TOPBP1: variants seen among roughly 807,000 people sequenced by gnomAD.
The protein encoded by TOPBP1 is DNA topoisomerase II binding protein 1.
A neutral mutation model predicts 167.7 loss-of-function variants in TOPBP1; 28 were observed. That is an observed-to-expected ratio of 0.17 (90% CI 0.12 to 0.23). The LOEUF is 0.23. Among genes scored for constraint, TOPBP1 ranks in the 10% least tolerant of loss-of-function variants. The pLI is 1.00. For missense variants in TOPBP1, 1,554 were observed against 1,809.6 expected (o/e 0.86, Z 2.56); for synonymous variants, 598 against 611.4 (o/e 0.98, Z 0.32).
intron 8 of TOPBP1, among the ~76,000 whole-genome samples, chr3:133,650,994 G>A (rs1413361075): frequency 6.6e-6 from 1 of 151,734 alleles, no homozygotes; most frequent in African/African-American, 2.4e-5. Context: ...CTACTTAGGA[G>A]GCTGAGGCAG....
rs775662417 is a variant in TOPBP1, at chr3:133,612,383, A to G, written c.4035+6T>C. The G allele has an allele frequency of 2.5e-6, 4 of 1,613,464 alleles. No individual in the cohort carries two copies. The highest frequency in any genetic ancestry group is 1.7e-4 in the Middle Eastern group (1 of 6,050). On this transcript the variant is annotated splice_donor_region_variant and intron_variant, in intron 24 of 27. Transcript: ENST00000260810. ...AAAATAAACTTCCACAAATCTGAAT[A>G]CACACCTGCACGAAGTGTCCAGCAG...
chr3:133,654,311 T>C (rs577417034), intron 6 of TOPBP1, among the ~76,000 whole-genome samples: 2 of 152,352 alleles, frequency 1.3e-5, no homozygotes, highest in East Asian at 1.9e-4. Flanking sequence ...AGCCAAAAGA[T>C]AAATTATATT....
intron 14 of TOPBP1, among the ~76,000 whole-genome samples, chr3:133,635,277 A>AG (rs1050658428): frequency 1.3e-5 from 2 of 152,174 alleles, no homozygotes; most frequent in African/African-American, 4.8e-5. Flanking sequence ...TTTTTGAGAC[A>AG]GGGTCTTGCT....
intron 20 of TOPBP1, among the ~76,000 whole-genome samples, chr3:133,619,917 G>C (rs572236654): frequency 1.3e-5 from 2 of 152,274 alleles, no homozygotes; most frequent in Admixed American, 6.5e-5. Flanking sequence ...AGTCAGCAGA[G>C]AGCCAAAAGC....
chr3:133,607,767 CA>C (rs1284416584), intron 27 of TOPBP1, among the ~76,000 whole-genome samples: 1 of 152,140 alleles, frequency 6.6e-6, no homozygotes, highest in African/African-American at 2.4e-5. Flanking sequence ...GAATGAATGT[CA>C]AAAACATCAC....
At chr3:133,636,358 A>G (rs1336608607) in intron 14 of TOPBP1, among the ~76,000 whole-genome samples, 1 of 151,492 alleles carries the variant, frequency 6.6e-6, no homozygotes, top group African/African-American at 2.4e-5. Context: ...TGTTTTAAGT[A>G]AAGAATTCAA....
In TOPBP1 at chr3:133,650,020, C is replaced by A. The variant is rs143083723; in HGVS notation, c.1090-77G>T. The A allele has an allele frequency of 3.8e-3, 4,641 of 1,208,154 alleles. 16 individuals carry two copies. The highest frequency in any genetic ancestry group is 0.027 in the Middle Eastern group (111 of 4,100). The allele number at this position is 1,208,154 out of a possible 1,614,324, so 74.8% of individuals were successfully genotyped here. Reference sequence around the variant, plus strand: ...AAAAACTAAAAATATATATCTAAATCCACTGTGTATAAATAAGACAACTTG... The same window carrying A: ...AAAAACTAAAAATATATATCTAAATACACTGTGTATAAATAAGACAACTTG... On this transcript the variant is annotated intron_variant, in intron 8 of 27. Transcript: ENST00000260810.
intron 7 of TOPBP1, 140 bp from the exon 8 acceptor site, chr3:133,652,769 A>G (rs1936347881): frequency 4.7e-6 from 3 of 638,796 alleles, no homozygotes; most frequent in East Asian, 5.8e-5. Context: ...CTGAAATCTT[A>G]GTGGCAAAGT....
At chr3:133,659,797 TG>T (rs1203841389) in intron 2 of TOPBP1, among the ~76,000 whole-genome samples, 10 of 152,098 alleles carry the variant, frequency 6.6e-5, no homozygotes, top group Non-Finnish European at 1.5e-5. Flanking sequence ...CTCTCTCCCC[TG>T]GAAGTTTCTA....
intron 17 of TOPBP1, 45 bp from the exon 18 acceptor site, chr3:133,623,502 A>C: frequency 6.4e-7 from 1 of 1,553,852 alleles, no homozygotes; most frequent in Non-Finnish European, 8.7e-7. Flanking sequence ...ACAAAATCTT[A>C]ATGAATAGAT....
intron 14 of TOPBP1, among the ~76,000 whole-genome samples, chr3:133,630,380 C>A (rs1215673746): frequency 6.6e-6 from 1 of 151,112 alleles, no homozygotes; most frequent in Non-Finnish European, 1.5e-5. Context: ...GTCACTGTAA[C>A]TTCTAACTCC....
intron 19 of TOPBP1, among the ~76,000 whole-genome samples, chr3:133,620,949 T>C (rs554352302): frequency 3.7e-4 from 56 of 152,122 alleles, no homozygotes; most frequent in Non-Finnish European, 7.5e-4. Flanking sequence ...CTGACTCTCA[T>C]GGTATGTACT....
At chr3:133,623,289 A>G (rs1347099129) in intron 18 of TOPBP1, 22 bp downstream of exon 18, 1 of 1,613,390 alleles carries the variant, frequency 6.2e-7, no homozygotes, top group South Asian at 1.1e-5. Flanking sequence ...GAGGGGGTAA[A>G]TGTATCATCC....
chr3:133,620,126 T>G (rs1350101844), intron 20 of TOPBP1, 29 bp downstream of exon 20: 2 of 1,573,620 alleles, frequency 1.3e-6, no homozygotes, highest in Non-Finnish European at 1.7e-6. Flanking sequence ...AGTCATCTAG[T>G]CTTTCTGCCA....
In TOPBP1 at chr3:133,649,477, G is replaced by A. The variant is rs1049729940; in HGVS notation, c.1410C>T (p.Ser470=). ...GAGCAAAGTCTTTCTTAGAGAAGCT[G>A]CTGTTCTTCTTTTTTAAAAGAGCTG... The part of the protein sequence containing the change: ...SKAALLKKKN[S]SFSKKDFAPS... The change falls in exon 10 of 28, where the codon AGC becomes AGT. Residue 470 remains serine, a synonymous_variant. Transcript: ENST00000260810. 1 of 1,613,882 alleles carries A rather than the reference G, an allele frequency of 6.2e-7. No homozygotes were observed. The highest frequency in any genetic ancestry group is 1.7e-5 in the Admixed American group (1 of 60,014).
rs540939789 is a variant in TOPBP1 at position 133,653,433 on chromosome 3, A to G, written c.834T>C (p.Asp278=). The G allele has an allele frequency of 6.2e-7, 1 of 1,613,190 alleles. No homozygotes were observed. The highest frequency in any genetic ancestry group is 1.3e-5 in the African/African-American group (1 of 74,998). ...FDSIEKGFCQ[D]ESIYKTEPRP... is the part of the protein sequence containing the mutation. ...TAGGTTCTGTCTTGTATATGGATTC[A>G]TCCTGACAAAAACCTTTCTCAATAC... The change falls in exon 7 of 28, where the codon GAT becomes GAC. Residue 278 remains aspartate, a synonymous_variant. Transcript: ENST00000260810.
chr3:133,652,392 G>A, intron 8 of TOPBP1, 71 bp downstream of exon 8: 1 of 1,515,848 alleles, frequency 6.6e-7, no homozygotes, highest in Non-Finnish European at 9.0e-7. Flanking sequence ...AACTCTGAAG[G>A]GTCTTCAAAG....
At chr3:133,610,856 A>G in intron 25 of TOPBP1, 148 bp downstream of exon 25, 1 of 825,108 alleles carries the variant, frequency 1.2e-6, no homozygotes, top group South Asian at 2.2e-5. Flanking sequence ...TACATATATA[A>G]ATTATTTTTA....
At chr3:133,610,401 G>A (rs1934632956) in intron 25 of TOPBP1, among the ~76,000 whole-genome samples, 1 of 152,048 alleles carries the variant, frequency 6.6e-6, no homozygotes, top group African/African-American at 2.4e-5. Context: ...ATGAACATGT[G>A]GCCTAATAGT....
Sources: allele counts gnomAD v4.1 joint callset (sites outside exome capture counted in the v4.1 genomes callset), GRCh38; gene constraint gnomAD v4.1.1; transcripts MANE v1.5; gene names NCBI Gene and HGNC (gene_info 2026-07-23, HGNC 2026-07-21).